The following GRIK2 variants were observed in gnomAD, a reference collection of about 807,000 sequenced individuals.
The protein encoded by GRIK2 is glutamate ionotropic receptor kainate type subunit 2, also known as glutamate receptor ionotropic, kainate 2.
A neutral mutation model predicts 100.3 loss-of-function variants in GRIK2; 32 were observed. The observed-to-expected ratio is 0.32, with a 90% CI of 0.24 to 0.43. The LOEUF (loss-of-function observed/expected upper bound fraction) is 0.43. Ranked by LOEUF, GRIK2 falls within the 20% of genes least tolerant of loss-of-function variation. The probability of loss-of-function intolerance (pLI) is 1.00; values close to 1 mark genes in which losing one functional copy is unlikely to be tolerated. For missense variants in GRIK2, 843 were observed against 1,114.9 expected (o/e 0.76, Z 3.47); for synonymous variants, 417 against 389.4 (o/e 1.07, Z -0.83).
intron 7 of GRIK2, among the ~76,000 whole-genome samples, chr6:101,751,813 C>T (rs920717869): frequency 3.3e-5 from 5 of 152,152 alleles, no homozygotes; most frequent in African/African-American, 7.2e-5. Context: ...TGTTTGTTCT[C>T]GTGCAAAATT....
intron 2 of GRIK2, among the ~76,000 whole-genome samples, chr6:101,578,764 C>G (rs1777905797): frequency 6.6e-6 from 1 of 152,232 alleles, no homozygotes; most frequent in African/African-American, 2.4e-5. Flanking sequence ...AGGCTCATTT[C>G]TAGATTCAGG....
At chr6:101,427,064 G>C (rs1769061694) in intron 2 of GRIK2, among the ~76,000 whole-genome samples, 1 of 152,178 alleles carries the variant, frequency 6.6e-6, no homozygotes, top group Non-Finnish European at 1.5e-5. Context: ...AATTGTGAGA[G>C]GCCCCATGAG....
chr6:101,595,069 A>G (rs1185986482), intron 2 of GRIK2, among the ~76,000 whole-genome samples: 1 of 151,708 alleles, frequency 6.6e-6, no homozygotes, highest in African/African-American at 2.4e-5. Context: ...TCAAGTAGGC[A>G]TTCATAGACT....
At chr6:101,956,668 A>T (rs1027300658) in intron 14 of GRIK2, among the ~76,000 whole-genome samples, 6 of 151,766 alleles carry the variant, frequency 4.0e-5, no homozygotes, top group East Asian at 1.9e-4. Context: ...TTCACTTAAG[A>T]TACTGATCTC....
chr6:101,818,062 G>A (rs1781742723), intron 9 of GRIK2, among the ~76,000 whole-genome samples: 1 of 152,292 alleles, frequency 6.6e-6, no homozygotes, highest in African/African-American at 2.4e-5. Context: ...CCATTAATGA[G>A]TTTCTAGCCA....
At chr6:101,804,912 A>G (rs572844208) in intron 9 of GRIK2, among the ~76,000 whole-genome samples, 2 of 151,986 alleles carry the variant, frequency 1.3e-5, no homozygotes, top group Non-Finnish European at 2.9e-5. Context: ...AATGCTGCTA[A>G]GTAGCAAAAA....
At chr6:101,396,245 C>A (rs543973582) in intron 1 of GRIK2, among the ~76,000 whole-genome samples, 1 of 137,108 alleles carries the variant, frequency 7.3e-6, no homozygotes, top group Non-Finnish European at 1.7e-5. Context: ...TTAGCATTCC[C>A]CCCCCCCCCA....
intron 2 of GRIK2, among the ~76,000 whole-genome samples, chr6:101,406,457 A>G (rs940411902): frequency 5.3e-5 from 8 of 151,960 alleles, no homozygotes; most frequent in Non-Finnish European, 7.4e-5. Context: ...TCTTTTAGTT[A>G]TTTTTTCTAC....
intron 14 of GRIK2, among the ~76,000 whole-genome samples, chr6:101,955,444 G>A (rs1267344673): frequency 6.6e-6 from 1 of 151,994 alleles, no homozygotes; most frequent in Non-Finnish European, 1.5e-5. Flanking sequence ...TTGAATCCAG[G>A]AGTTCAAAGC....
chr6:101,673,848 G>A (rs1181707454), intron 4 of GRIK2, among the ~76,000 whole-genome samples: 1 of 151,960 alleles, frequency 6.6e-6, no homozygotes, highest in Non-Finnish European at 1.5e-5. Flanking sequence ...ATCTGATTTT[G>A]TCTTTCTATA....
intron 14 of GRIK2, among the ~76,000 whole-genome samples, chr6:101,955,085 G>A (rs1327424654): frequency 6.6e-6 from 1 of 151,986 alleles, no homozygotes; most frequent in African/African-American, 2.4e-5. Flanking sequence ...TTTCTGTGAT[G>A]CTGGAGTCAG....
At chr6:101,735,965 G>A (rs1219633022) in intron 7 of GRIK2, among the ~76,000 whole-genome samples, 2 of 152,174 alleles carry the variant, frequency 1.3e-5, no homozygotes, top group Admixed American at 1.3e-4. Flanking sequence ...ACAGGCATTG[G>A]GTAAATACAG....
At chr6:101,887,617 A>G (rs1786745826) in intron 11 of GRIK2, among the ~76,000 whole-genome samples, 2 of 152,156 alleles carry the variant, frequency 1.3e-5, no homozygotes, top group South Asian at 4.1e-4. Flanking sequence ...ATTGACTTAC[A>G]GTTCTGTAAG....
intron 2 of GRIK2, among the ~76,000 whole-genome samples, chr6:101,433,251 G>C (rs773686319): frequency 3.3e-5 from 5 of 152,170 alleles, no homozygotes; most frequent in African/African-American, 4.8e-5. Flanking sequence ...AAACACTTGA[G>C]AAATGCAAGT....
At chr6:101,982,469 G>A (rs908084749) in intron 14 of GRIK2, among the ~76,000 whole-genome samples, 1 of 151,796 alleles carries the variant, frequency 6.6e-6, no homozygotes, top group African/African-American at 2.4e-5. Flanking sequence ...TTAAGAAGCT[G>A]AAGAGTAGCT....
intron 10 of GRIK2, among the ~76,000 whole-genome samples, chr6:101,849,001 A>G (rs965462602): frequency 5.3e-5 from 8 of 152,058 alleles, no homozygotes; most frequent in South Asian, 2.1e-4. Context: ...AAACCTATCC[A>G]TGAAAATTTT....
rs60301711 is a variant in GRIK2 at position 101,719,138 on chromosome 6, G to GTTT, written c.951+32821_951+32823dup. The stretch of plus-strand genomic sequence containing the variant: ...CTGAAATGTGCAACAGGCTGCAAGG[G>GTTT]TTTTTTTTTTTTTTTTTTTTTTTTT... On this transcript the variant is annotated intron_variant, in intron 7 of 16. Coordinates refer to ENST00000369134, the MANE Select transcript of GRIK2 (RefSeq NM_021956.5). Among the ~76,000 whole-genome samples the GTTT allele has an allele frequency of 5.9e-4, 60 of 101,136 alleles. 4 individuals carry two copies. Among genetic ancestry groups the GTTT allele is most frequent in the African/African-American group, 1.6e-3 (33 of 20,120 alleles). The allele number at this position is 101,136 out of a possible 152,430, so 66.3% of individuals were successfully genotyped here. A position where few individuals can be genotyped will look rare whatever the true frequency, so the allele number is the denominator to read the frequency against.
intron 12 of GRIK2, among the ~76,000 whole-genome samples, chr6:101,892,450 G>C (rs943995366): frequency 4.6e-5 from 7 of 151,844 alleles, no homozygotes; most frequent in African/African-American, 9.7e-5. Context: ...ATGGTAATCT[G>C]TACTGATTTT....
At chr6:101,984,653 A>ACACACACACACC (rs760989338) in intron 14 of GRIK2, among the ~76,000 whole-genome samples, 1 of 150,336 alleles carries the variant, frequency 6.7e-6, no homozygotes, top group Non-Finnish European at 1.5e-5. Flanking sequence ...ACACACACAC[A>ACACACACACACC]CACCCTTCAA....
Sources: allele counts gnomAD v4.1 joint callset (sites outside exome capture counted in the v4.1 genomes callset), GRCh38; gene constraint gnomAD v4.1.1; transcripts MANE v1.5; gene names NCBI Gene and HGNC (gene_info 2026-07-23, HGNC 2026-07-21).